Variants in OCA2 observed in about 807,000 individuals in gnomAD.
OCA2 encodes P protein.
In OCA2, 77 loss-of-function variants were observed where a neutral mutation model predicts 100.2. That is an observed-to-expected ratio of 0.77 (90% CI 0.64 to 0.93). OCA2 has a LOEUF of 0.93. OCA2 is among the 40% of genes least tolerant of loss of function. OCA2 has a pLI of 0.00. For missense variants in OCA2, 1,062 were observed against 1,089.1 expected, an observed-to-expected ratio of 0.98 and a Z score of 0.35; for synonymous variants, 432 against 439.2, an observed-to-expected ratio of 0.98 and a Z score of 0.21.
chr15:28,037,093 G>C (rs956891968), intron 2 of OCA2, among the ~76,000 whole-genome samples: 1 of 152,120 alleles, frequency 6.6e-6, no homozygotes, highest in African/African-American at 2.4e-5. Context: ...GAGCAGGCAG[G>C]AAGGTCGAGA....
At position 28,014,808 on chromosome 15, in the gene OCA2, G is replaced by A; in HGVS notation, c.1012C>T (p.Leu338Phe). The A allele has an allele frequency of 6.2e-7, 1 of 1,614,036 alleles. No homozygotes were observed. Among genetic ancestry groups the A allele is most frequent in the South Asian group, 1.1e-5 (1 of 91,070 alleles). Residue 338 changes from leucine to phenylalanine, a missense_variant, in exon 9 of 24, where the codon CTC becomes TTC. Leu to Phe is a conservative substitution (Grantham distance 22). Coordinates refer to ENST00000354638, the MANE Select transcript of OCA2 (RefSeq NM_000275.3). ...ATGATCAGCGCGTAGACGCCCGCGA[G>A]GATGGCCGTCGCGATGGTCACCTGG... ...ETQVTIATAI[L>F]AGVYALIIFE...
At chr15:28,083,409 A>T (rs967811876) in intron 1 of OCA2, among the ~76,000 whole-genome samples, 1 of 152,254 alleles carries the variant, frequency 6.6e-6, no homozygotes, top group Non-Finnish European at 1.5e-5. Flanking sequence ...TTATGCTGAG[A>T]GTGATCACTC....
chr15:28,055,920 G>T (rs1272915366), intron 2 of OCA2, among the ~76,000 whole-genome samples: 1 of 152,218 alleles, frequency 6.6e-6, no homozygotes, highest in African/African-American at 2.4e-5. Context: ...TCAAGGACCT[G>T]CCAGGAGCCC....
At chr15:28,003,651 T>A (rs1428272862) in intron 9 of OCA2, among the ~76,000 whole-genome samples, 1 of 152,192 alleles carries the variant, frequency 6.6e-6, no homozygotes, top group Non-Finnish European at 1.5e-5. Flanking sequence ...CGCAGGGCAG[T>A]GTGCCCCCCG....
intron 19 of OCA2, among the ~76,000 whole-genome samples, chr15:27,891,149 A>G (rs1052785819): frequency 3.9e-5 from 6 of 152,218 alleles, no homozygotes; most frequent in Non-Finnish European, 8.8e-5. Context: ...TGATTTAAAC[A>G]AAAGTTATGT....
At chr15:28,096,842 C>G (rs1305630893) in intron 1 of OCA2, among the ~76,000 whole-genome samples, 2 of 151,922 alleles carry the variant, frequency 1.3e-5, no homozygotes, top group Non-Finnish European at 2.9e-5. Flanking sequence ...TTCGCAGGGC[C>G]CCCCGGGACT....
intron 14 of OCA2, among the ~76,000 whole-genome samples, chr15:27,967,182 G>A (rs569494745): frequency 6.6e-6 from 1 of 152,238 alleles, no homozygotes; most frequent in South Asian, 2.1e-4. Flanking sequence ...CGCACAGGCA[G>A]CAGCTCCCTG....
chr15:27,765,766 C>A (rs1472180140), intron 23 of OCA2, among the ~76,000 whole-genome samples: 1 of 152,232 alleles, frequency 6.6e-6, no homozygotes, highest in Non-Finnish European at 1.5e-5. Flanking sequence ...AAGCCCGACC[C>A]TCGGTTTGGT....
chr15:27,832,400 C>T (rs2034996862), intron 23 of OCA2, among the ~76,000 whole-genome samples: 1 of 152,246 alleles, frequency 6.6e-6, no homozygotes, highest in South Asian at 2.1e-4. Flanking sequence ...CCCTTCCCTG[C>T]ACTCCCACCA....
chr15:27,962,161 C>A (rs1430577254), intron 15 of OCA2, among the ~76,000 whole-genome samples: 1 of 152,066 alleles, frequency 6.6e-6, no homozygotes, highest in African/African-American at 2.4e-5. Flanking sequence ...TTCCTTCTTT[C>A]AAATATCCAG....
At chr15:27,997,460 T>G (rs1351478334) in intron 9 of OCA2, among the ~76,000 whole-genome samples, 1 of 151,050 alleles carries the variant, frequency 6.6e-6, no homozygotes, top group Admixed American at 6.6e-5. Context: ...CTTGTTTTTC[T>G]CAGGTCTGTC....
At chr15:28,082,609 C>A (rs2044681759) in intron 1 of OCA2, among the ~76,000 whole-genome samples, 1 of 152,246 alleles carries the variant, frequency 6.6e-6, no homozygotes, top group African/African-American at 2.4e-5. Context: ...TTGGGAAATG[C>A]TATGGATGTG....
intron 23 of OCA2, among the ~76,000 whole-genome samples, chr15:27,781,364 G>C (rs1194097092): frequency 1.3e-5 from 2 of 152,192 alleles, no homozygotes; most frequent in Non-Finnish European, 2.9e-5. Flanking sequence ...CTTTGAGTAA[G>C]AGCTAGTTTC....
intron 23 of OCA2, among the ~76,000 whole-genome samples, chr15:27,808,971 C>T (rs1409198446): frequency 1.3e-5 from 2 of 152,320 alleles, no homozygotes; most frequent in East Asian, 3.9e-4. Flanking sequence ...CTGTTGTCTT[C>T]CTTCTGTCCT....
intron 18 of OCA2, among the ~76,000 whole-genome samples, chr15:27,936,700 C>T (rs1170192302): frequency 6.6e-6 from 1 of 152,092 alleles, no homozygotes. Flanking sequence ...GGCTTAGAAC[C>T]AGGAAGATTG....
At chr15:27,913,889 A>AAG (rs1175070297) in intron 19 of OCA2, among the ~76,000 whole-genome samples, 11 of 49,786 alleles carry the variant, frequency 2.2e-4, no homozygotes, top group African/African-American at 6.0e-4. Context: ...GAAAGAAAGA[A>AAG]AGAAAGCAAG....
intron 2 of OCA2, among the ~76,000 whole-genome samples, chr15:28,039,515 G>A (rs1444773036): frequency 1.3e-5 from 2 of 152,196 alleles, no homozygotes; most frequent in Non-Finnish European, 2.9e-5. Context: ...TCACCAAAAT[G>A]TGGAAATTAA....
At chr15:27,739,078 C>T in the OCA2 span, among the ~76,000 whole-genome samples, 3 of 152,274 alleles carry the variant, frequency 2.0e-5, no homozygotes, top group Middle Eastern at 3.4e-3. Context: ...CGTCTTCTAG[C>T]ACATGGAGCC....
intron 21 of OCA2, among the ~76,000 whole-genome samples, chr15:27,865,912 T>C (rs1014458155): frequency 2.0e-5 from 3 of 152,054 alleles, no homozygotes; most frequent in South Asian, 4.1e-4. Context: ...CTGTGCAGTG[T>C]AAAGGTCCTC....
Sources: allele counts gnomAD v4.1 joint callset (sites outside exome capture counted in the v4.1 genomes callset), GRCh38; gene constraint gnomAD v4.1.1; transcripts MANE v1.5; gene names NCBI Gene and HGNC (gene_info 2026-07-23, HGNC 2026-07-21).